PRRC2B: variants seen among roughly 807,000 people sequenced by gnomAD.
PRRC2B encodes proline rich coiled-coil 2B.
PRRC2B carries 68 observed loss-of-function variants against 242.3 expected under a neutral mutation model. That is an observed-to-expected ratio of 0.28 (90% CI 0.23 to 0.34). PRRC2B has a LOEUF of 0.34. Among genes scored for constraint, PRRC2B ranks in the 10% least tolerant of loss-of-function variants. The probability of loss-of-function intolerance (pLI) is 1.00; values close to 1 mark genes in which losing one functional copy is unlikely to be tolerated. For synonymous variants in PRRC2B, 1,228 were observed against 1,173.6 expected (o/e 1.05, Z -0.95); for missense variants, 2,835 against 2,954.8 (o/e 0.96, Z 0.94).
At chr9:131,466,896 G>T (rs1943411543) in intron 12 of PRRC2B, among the ~76,000 whole-genome samples, 1 of 151,992 alleles carries the variant, frequency 6.6e-6, no homozygotes, top group Non-Finnish European at 1.5e-5. Flanking sequence ...CCACCTCCTG[G>T]GTTCATGCCA....
At chr9:131,454,199 A>G (rs1373869555) in intron 9 of PRRC2B, among the ~76,000 whole-genome samples, 1 of 152,176 alleles carries the variant, frequency 6.6e-6, no homozygotes, top group African/African-American at 2.4e-5. Context: ...ATGTGTTTGT[A>G]TTCATTCTTT....
intron 5 of PRRC2B, among the ~76,000 whole-genome samples, chr9:131,439,826 C>A (rs983746481): frequency 6.6e-6 from 1 of 151,956 alleles, no homozygotes; most frequent in African/African-American, 2.4e-5. Flanking sequence ...CTCGATCTCC[C>A]GGGCTCAAGC....
In PRRC2B at chr9:131,416,114, C is replaced by CTTTTTTTT. The variant is rs562809102; in HGVS notation, c.-51-13975_-51-13968dup. On this transcript the variant is annotated intron_variant, in intron 1 of 31. Coordinates refer to ENST00000683519, the MANE Select transcript of PRRC2B (RefSeq NM_013318.4). ...ACCTCTTCTTCGTTTTCTTTTCTTT[C>CTTTTTTTT]TTTTTTTTTTTTAAGACAGTGTCTT... Among the ~76,000 whole-genome samples, 310 of 145,300 alleles carry CTTTTTTTT rather than the reference C, an allele frequency of 2.1e-3. 1 individual carries two copies. Among genetic ancestry groups the CTTTTTTTT allele is most frequent in the African/African-American group, 7.4e-3 (296 of 39,866 alleles).
At chr9:131,486,665 G>GGGGCGGCTAGACCAT in intron 26 of PRRC2B, 1 of 446,274 alleles carries the variant, frequency 2.2e-6, no homozygotes, top group Non-Finnish European at 3.0e-6. Context: ...GGATGGTCTA[G>GGGGCGGCTAGACCAT]CCGCCCCTCA....
chr9:131,442,444 G>A (rs1241026764), intron 5 of PRRC2B, among the ~76,000 whole-genome samples: 1 of 152,128 alleles, frequency 6.6e-6, no homozygotes, highest in African/African-American at 2.4e-5. Flanking sequence ...CCTTCACAGA[G>A]CACTGGAGCT....
At chr9:131,383,165 C>G (rs1336738729) in intron 1 of PRRC2B, among the ~76,000 whole-genome samples, 3 of 152,162 alleles carry the variant, frequency 2.0e-5, no homozygotes, top group Non-Finnish European at 2.9e-5. Flanking sequence ...ACCGAGAAGG[C>G]CTCCTCCGGC....
rs982728674 is a variant in PRRC2B, at chr9:131,373,733, T to C, written c.-56+2T>C. 1 of 152,200 alleles carries C rather than the reference T, an allele frequency of 6.6e-6. No homozygotes were observed. The highest frequency in any genetic ancestry group is 1.9e-4 in the East Asian group (1 of 5,196). The allele number at this position is 152,200 out of a possible 1,614,324, so 9.4% of individuals were successfully genotyped here. On this transcript the variant is annotated splice_donor_variant, in intron 1 of 1. Transcript: ENST00000682525. LOFTEE classifies it low-confidence loss of function (5UTR_SPLICE). Reference sequence around the variant, plus strand: ...AGGCGGAGGCAGCACCCACGCCAGGTGAGCCGTCGTTTCTTTGCGTGGATC... The same window carrying C: ...AGGCGGAGGCAGCACCCACGCCAGGCGAGCCGTCGTTTCTTTGCGTGGATC...
chr9:131,480,000 GTTC>G (rs1943812650), intron 19 of PRRC2B, among the ~76,000 whole-genome samples: 1 of 152,034 alleles, frequency 6.6e-6, no homozygotes, highest in Admixed American at 6.5e-5. Flanking sequence ...CATAGAATAG[GTTC>G]TTCTTGAGGT....
intron 18 of PRRC2B, among the ~76,000 whole-genome samples, 173 bp from the exon 19 acceptor site, chr9:131,479,079 G>T (rs1162495126): frequency 6.6e-6 from 1 of 152,088 alleles, no homozygotes; most frequent in Non-Finnish European, 1.5e-5. Context: ...TTTCTTGGGG[G>T]GTGCTTTGCT....
At chr9:131,420,499 T>TTCTCTCTTTCTCTCTTTCTC (rs1554758648) in intron 1 of PRRC2B, among the ~76,000 whole-genome samples, 1 of 84,492 alleles carries the variant, frequency 1.2e-5, no homozygotes, top group African/African-American at 4.4e-5. Flanking sequence ...CTTTCTTTTT[T>TTCTCTCTTTCTCTCTTTCTC]TTTTTTTTTT....
intron 1 of PRRC2B, among the ~76,000 whole-genome samples, chr9:131,403,877 A>G (rs1240559640): frequency 6.6e-6 from 1 of 152,152 alleles, no homozygotes; most frequent in African/African-American, 2.4e-5. Flanking sequence ...TTTTCAAAAT[A>G]TCACAGTATT....
chr9:131,392,185 G>C (rs903385367), upstream of PRRC2B, among the ~76,000 whole-genome samples: 2 of 148,506 alleles, frequency 1.3e-5, no homozygotes, highest in Non-Finnish European at 3.0e-5. Flanking sequence ...TGCAACCTCC[G>C]CCACCCGGGT....
In PRRC2B at chr9:131,425,230, C is replaced by G. The variant is rs190612113; in HGVS notation, c.-51-4864C>G. Among the ~76,000 whole-genome samples, 250 of 152,298 alleles carry G rather than the reference C, an allele frequency of 1.6e-3. No individual in the cohort carries two copies. The Middle Eastern group carries it at 0.017, about 10-fold the overall frequency. On this transcript the variant is annotated intron_variant, in intron 1 of 31. Coordinates refer to ENST00000683519, the MANE Select transcript of PRRC2B (RefSeq NM_013318.4). ...TGAACTCCTGACCTCAGGTGATCCT[C>G]TCGCCTCGGCCTCCCAAAGTGCTGG...
At chr9:131,427,648 C>T (rs1838011557) in intron 1 of PRRC2B, among the ~76,000 whole-genome samples, 1 of 151,904 alleles carries the variant, frequency 6.6e-6, no homozygotes, top group African/African-American at 2.4e-5. Context: ...AGAGTTTTAT[C>T]TTTAAAATCA....
chr9:131,428,002 A>C (rs1466871458), intron 1 of PRRC2B, among the ~76,000 whole-genome samples: 1 of 151,780 alleles, frequency 6.6e-6, no homozygotes, highest in Admixed American at 6.6e-5. Context: ...GCTCACTGCA[A>C]CCTCTGCCTC....
At position 131,446,698 on chromosome 9, in the gene PRRC2B, G is replaced by T. The variant is rs2131388873; in HGVS notation, c.855+56G>T. 6.3e-7 allele frequency: 1 copy of T among 1,593,822 alleles called. No homozygotes were observed. The highest frequency in any genetic ancestry group is 1.7e-4 in the Middle Eastern group (1 of 5,998). On this transcript the variant is annotated intron_variant, in intron 7 of 31. Coordinates refer to ENST00000683519, the MANE Select transcript of PRRC2B (RefSeq NM_013318.4). The surrounding 1 kb of genome is among the most constrained non-coding windows in gnomAD (Gnocchi z 4.1). ...CCATGAAGTTGGATTGTGTCCAGCA[G>T]ATAGGTCAAGTGGTTGAATGTCCCC...
At chr9:131,427,506 A>G (rs533714569) in intron 1 of PRRC2B, among the ~76,000 whole-genome samples, 58 of 151,982 alleles carry the variant, frequency 3.8e-4, no homozygotes, top group African/African-American at 1.4e-3. Flanking sequence ...AATTTTTTGT[A>G]TTTTTAGTAG....
chr9:131,457,941 C>T (rs1466073122), intron 10 of PRRC2B, among the ~76,000 whole-genome samples: 1 of 152,180 alleles, frequency 6.6e-6, no homozygotes, highest in Non-Finnish European at 1.5e-5. Context: ...GGTAGACACA[C>T]AGGCCCACAC....
Position 131,388,278 on chromosome 9 carries a change from T to C in PRRC2B, c.-56+14547T>C, listed in dbSNP as rs1270228329. ...TTTTTTAGATGGAGATTCCCTCTTG[T>C]TGCCCAGGCTGGAGTGCAGTGGTGC... On this transcript the variant is annotated intron_variant, in intron 1 of 1. Coordinates refer to the PRRC2B transcript ENST00000682525. 2.7e-5 allele frequency among the ~76,000 whole-genome samples: 4 copies of C among 146,600 alleles called. 1 individual carries two copies. Among genetic ancestry groups the C allele is most frequent in the Non-Finnish European group, 6.1e-5 (4 of 66,060 alleles).
Sources: allele counts gnomAD v4.1 joint callset (sites outside exome capture counted in the v4.1 genomes callset), GRCh38; gene constraint gnomAD v4.1.1; non-coding constraint Gnocchi (gnomAD v3.1); transcripts MANE v1.5; gene names NCBI Gene and HGNC (gene_info 2026-07-23, HGNC 2026-07-21).